The following RYR3 variants were observed in gnomAD, a reference collection of about 807,000 sequenced individuals.
The protein encoded by RYR3 is ryanodine receptor 3, also known as brain ryanodine receptor-calcium release channel.
Under a neutral mutation model 584.3 loss-of-function variants are expected in RYR3, and 207 were observed. The observed-to-expected ratio is 0.35, with a 90% CI of 0.32 to 0.40. The LOEUF is 0.40. RYR3 is among the 10% of genes least tolerant of loss of function. The probability of loss-of-function intolerance (pLI) is 1.00; values close to 1 mark genes in which losing one functional copy is unlikely to be tolerated. For synonymous variants in RYR3, 2,416 were observed against 2,248.5 expected, an observed-to-expected ratio of 1.07 and a Z score of -2.11; for missense variants, 5,616 against 6,089.2, an observed-to-expected ratio of 0.92 and a Z score of 2.59.
At chr15:33,327,135 C>T (rs1969815302) in intron 1 of RYR3, among the ~76,000 whole-genome samples, 1 of 152,110 alleles carries the variant, frequency 6.6e-6, no homozygotes, top group Non-Finnish European at 1.5e-5. Context: ...GAAGATGATT[C>T]ACCTTCTCAG....
intron 1 of RYR3, among the ~76,000 whole-genome samples, chr15:33,424,747 C>T (rs2044481424): frequency 6.6e-6 from 1 of 152,082 alleles, no homozygotes; most frequent in South Asian, 2.1e-4. Context: ...TTTGTGAACT[C>T]TTCTGTGTCT....
chr15:33,614,444 A>G (rs2060349759), intron 19 of RYR3, among the ~76,000 whole-genome samples: 1 of 152,108 alleles, frequency 6.6e-6, no homozygotes, highest in Admixed American at 6.5e-5. Context: ...TTGGATCCTT[A>G]TTAATTTTTA....
chr15:33,339,949 G>C (rs1184021436), intron 1 of RYR3, among the ~76,000 whole-genome samples: 1 of 151,764 alleles, frequency 6.6e-6, no homozygotes, highest in East Asian at 1.9e-4. Context: ...GAATGTTTTT[G>C]TGGCTTAAAA....
chr15:33,447,146 T>G (rs2141936253), intron 1 of RYR3, among the ~76,000 whole-genome samples: 1 of 152,372 alleles, frequency 6.6e-6, no homozygotes, highest in South Asian at 2.1e-4. Context: ...AAAGGTGGGA[T>G]GTACATGTGT....
intron 16 of RYR3, among the ~76,000 whole-genome samples, 187 bp from the exon 17 acceptor site, chr15:33,601,232 G>A (rs750894636): frequency 2.6e-4 from 40 of 152,200 alleles, no homozygotes; most frequent in Admixed American, 2.6e-3. Context: ...TTCCCAAGAA[G>A]CAGTAGGCTC....
chr15:33,576,309 G>T (rs187421163), intron 12 of RYR3, among the ~76,000 whole-genome samples: 4 of 152,124 alleles, frequency 2.6e-5, no homozygotes, highest in Admixed American at 6.5e-5. Flanking sequence ...TGGCAGAGAT[G>T]AACAAAAAGA....
At chr15:33,726,804 T>C (rs1236893238) in intron 46 of RYR3, among the ~76,000 whole-genome samples, 1 of 152,274 alleles carries the variant, frequency 6.6e-6, no homozygotes, top group Non-Finnish European at 1.5e-5. Flanking sequence ...CAATGTAATG[T>C]CACTGAACAC....
intron 1 of RYR3, among the ~76,000 whole-genome samples, chr15:33,374,401 T>C (rs1007389998): frequency 2.1e-5 from 3 of 146,288 alleles, no homozygotes; most frequent in African/African-American, 7.5e-5. Context: ...TGTGTGTGTA[T>C]ATATATCTCC....
chr15:33,553,723 C>T (rs890309144), intron 10 of RYR3, among the ~76,000 whole-genome samples: 8 of 152,180 alleles, frequency 5.3e-5, no homozygotes, highest in Admixed American at 4.6e-4. Flanking sequence ...AGCCTTATCC[C>T]TTTGATCTGA....
chr15:33,739,254 T>A (rs2152833460), intron 50 of RYR3, among the ~76,000 whole-genome samples: 1 of 152,352 alleles, frequency 6.6e-6, no homozygotes, highest in East Asian at 1.9e-4. Flanking sequence ...CTTGTTCACC[T>A]GCACTTAAAT....
intron 28 of RYR3, among the ~76,000 whole-genome samples, chr15:33,645,845 C>G (rs1194317062): frequency 1.3e-5 from 2 of 152,132 alleles, no homozygotes; most frequent in Non-Finnish European, 2.9e-5. Context: ...GGAGCCTCAG[C>G]CTTCAGGCCA....
chr15:33,328,916 CCTT>C lies in RYR3; in HGVS notation c.51+17825_51+17827del, dbSNP rs768503402. On this transcript the variant is annotated intron_variant, in intron 1 of 103. Transcript: ENST00000634891. The stretch of plus-strand genomic sequence containing the variant: ...TTCCCTTGTTTTCAGATGTATCTCT[CCTT>C]CTTCATTTCTTGCTTTCCTTTTTCA... Among the ~76,000 whole-genome samples, 94 of 152,248 alleles carry C rather than the reference CCTT, an allele frequency of 6.2e-4. 1 individual carries two copies. Among genetic ancestry groups the C allele is most frequent in the Middle Eastern group, 6.8e-3 (2 of 294 alleles).
intron 65 of RYR3, among the ~76,000 whole-genome samples, chr15:33,783,338 C>G (rs1023297457): frequency 7.9e-5 from 12 of 152,188 alleles, no homozygotes; most frequent in Admixed American, 2.0e-4. Flanking sequence ...AAGATTCCCC[C>G]TAACAGTCTT....
chr15:33,819,773 C>T lies in RYR3; in HGVS notation c.10724C>T (p.Pro3575Leu), dbSNP rs768025014. The T allele has an allele frequency of 3.1e-5, 49 of 1,568,218 alleles. No individual in the cohort carries two copies. Among genetic ancestry groups the T allele is most frequent in the Non-Finnish European group, 3.9e-5 (45 of 1,154,260 alleles). ...LTERSKLEDD[P>L]LYTSYSSMMA... ...CTTTCCAGCAAATTGGAAGACGACCCTTTGTACACCTCCTATTCCAGCATG... is the reference window on the plus strand; with the variant it reads ...CTTTCCAGCAAATTGGAAGACGACCTTTTGTACACCTCCTATTCCAGCATG... Residue 3575 changes from proline to leucine, a missense_variant, in exon 77 of 104, where the codon CCT becomes CTT. This residue lies in a region of RYR3 where 954 missense variants were observed against 1,132.2 expected (regional missense o/e 0.84). Coordinates refer to ENST00000634891, the MANE Select transcript of RYR3 (RefSeq NM_001036.6).
intron 1 of RYR3, among the ~76,000 whole-genome samples, chr15:33,435,157 GTTA>G (rs912170667): frequency 7.1e-6 from 1 of 140,288 alleles, no homozygotes; most frequent in Non-Finnish European, 1.5e-5. Context: ...GTGCAGGTTT[GTTA>G]TTATAGGTAA....
At chr15:33,392,807 C>T (rs1370819490) in intron 1 of RYR3, among the ~76,000 whole-genome samples, 2 of 152,002 alleles carry the variant, frequency 1.3e-5, no homozygotes, top group Admixed American at 6.6e-5. Flanking sequence ...TGGATGAAAT[C>T]GAAGCAAGTA....
chr15:33,589,259 C>T (rs1361725895), intron 16 of RYR3, among the ~76,000 whole-genome samples: 16 of 152,092 alleles, frequency 1.1e-4, no homozygotes, highest in Non-Finnish European at 2.9e-5. Context: ...CGTGTGTCTT[C>T]GTTTGAAAAA....
In RYR3 at chr15:33,697,876, T is replaced by A; in HGVS notation, c.6135-6T>A. The A allele has an allele frequency of 1.3e-6, 2 of 1,578,758 alleles. No individual in the cohort carries two copies. Among genetic ancestry groups the A allele is most frequent in the Non-Finnish European group, 1.7e-6 (2 of 1,147,728 alleles). Reference sequence around the variant, plus strand: ...TGCTGAAGACTCTCTCTGATCCTTATCCTAGAGACATAATGAACAACAAGG... The same window carrying A: ...TGCTGAAGACTCTCTCTGATCCTTAACCTAGAGACATAATGAACAACAAGG... On this transcript the variant is annotated splice_region_variant and splice_polypyrimidine_tract_variant and intron_variant, in intron 39 of 103. Coordinates refer to ENST00000634891, the MANE Select transcript of RYR3 (RefSeq NM_001036.6).
chr15:33,340,153 T>C (rs1971650663), intron 1 of RYR3, among the ~76,000 whole-genome samples: 1 of 152,168 alleles, frequency 6.6e-6, no homozygotes, highest in South Asian at 2.1e-4. Context: ...TCTTCCAACT[T>C]AGTGGCTCCC....
Sources: gnomAD v4.1 joint callset for allele counts (sites outside exome capture counted in the v4.1 genomes callset) on GRCh38, gnomAD v4.1.1 for gene constraint, gnomAD v4.1.1 regional missense constraint, MANE v1.5 for transcripts, NCBI Gene and HGNC (gene_info 2026-07-23, HGNC 2026-07-21) for gene names.